The following SLC24A2 variants were observed in gnomAD, a reference collection of about 807,000 sequenced individuals.
SLC24A2 encodes sodium/potassium/calcium exchanger 2.
Under a neutral mutation model 62.0 loss-of-function variants are expected in SLC24A2, and 36 were observed. The observed-to-expected ratio is 0.58, with a 90% confidence interval of 0.44 to 0.77. The LOEUF (loss-of-function observed/expected upper bound fraction) is 0.77. Among genes scored for constraint, SLC24A2 ranks in the 30% least tolerant of loss-of-function variants. The pLI, the probability that SLC24A2 is intolerant of heterozygous loss-of-function variation, is 0.00. For missense variants in SLC24A2, 846 were observed against 817.9 expected, an observed-to-expected ratio of 1.03 and a Z score of -0.42; for synonymous variants, 358 against 294.0, an observed-to-expected ratio of 1.22 and a Z score of -2.23.
the SLC24A2 span, among the ~76,000 whole-genome samples, chr9:19,914,197 C>G: frequency 1.3e-5 from 2 of 152,034 alleles, no homozygotes; most frequent in African/African-American, 2.4e-5. Context: ...AGATTCTTGA[C>G]ACCTGCCACT....
chr9:20,282,673 G>C, the SLC24A2 span, among the ~76,000 whole-genome samples: 71,835 of 151,892 alleles, frequency 0.47, 18,770 homozygotes, highest in East Asian at 0.9. Flanking sequence ...GAAAAATATA[G>C]AAAAGTATAA....
At chr9:19,840,086 T>A in the SLC24A2 span, among the ~76,000 whole-genome samples, 1 of 152,096 alleles carries the variant, frequency 6.6e-6, no homozygotes, top group Non-Finnish European at 1.5e-5. Flanking sequence ...AATGGCAAAA[T>A]AGAACTCAAA....
At chr9:19,885,811 C>A in the SLC24A2 span, among the ~76,000 whole-genome samples, 1 of 152,140 alleles carries the variant, frequency 6.6e-6, no homozygotes, top group Non-Finnish European at 1.5e-5. Context: ...CACGTGTTCT[C>A]ATTGTTTCGG....
intron 2 of SLC24A2, among the ~76,000 whole-genome samples, chr9:19,763,943 G>A (rs1269595141): frequency 6.6e-6 from 1 of 152,000 alleles, no homozygotes; most frequent in East Asian, 1.9e-4. Context: ...ATCTGGTCCC[G>A]GGCTTTTTTT....
the SLC24A2 span, among the ~76,000 whole-genome samples, chr9:20,239,741 A>G: frequency 3.3e-4 from 51 of 152,364 alleles, no homozygotes; most frequent in African/African-American, 1.2e-3. Flanking sequence ...AGAGCTTTAC[A>G]TGGAATAATA....
At chr9:19,764,985 G>A (rs909003581) in intron 2 of SLC24A2, among the ~76,000 whole-genome samples, 11 of 152,096 alleles carry the variant, frequency 7.2e-5, no homozygotes, top group Non-Finnish European at 5.9e-5. Context: ...CTCCTGTGTT[G>A]GGTGCATATA....
At chr9:19,596,264 T>A (rs2132898099) in intron 5 of SLC24A2, among the ~76,000 whole-genome samples, 1 of 152,308 alleles carries the variant, frequency 6.6e-6, no homozygotes, top group South Asian at 2.1e-4. Flanking sequence ...TGCAACACAT[T>A]TGGGAGTTTC....
At chr9:20,273,403 C>A in the SLC24A2 span, among the ~76,000 whole-genome samples, 1 of 152,188 alleles carries the variant, frequency 6.6e-6, no homozygotes, top group Non-Finnish European at 1.5e-5. Flanking sequence ...ATATGATTTG[C>A]CTCCATGTCC....
At chr9:19,743,762 C>T (rs892848030) in intron 2 of SLC24A2, among the ~76,000 whole-genome samples, 3 of 152,110 alleles carry the variant, frequency 2.0e-5, no homozygotes, top group South Asian at 2.1e-4. Context: ...CACACTACTG[C>T]CTCTCCCAAT....
chr9:20,204,009 A>G, the SLC24A2 span, among the ~76,000 whole-genome samples: 1 of 152,234 alleles, frequency 6.6e-6, no homozygotes, highest in Non-Finnish European at 1.5e-5. Flanking sequence ...ATTATACTCA[A>G]TATATTAATA....
the SLC24A2 span, among the ~76,000 whole-genome samples, chr9:20,154,593 G>A: frequency 5.3e-5 from 8 of 151,530 alleles, no homozygotes; most frequent in South Asian, 4.2e-4. Context: ...GTAACATTAC[G>A]TAAGGTGTAG....
the SLC24A2 span, among the ~76,000 whole-genome samples, chr9:19,834,155 A>G: frequency 6.6e-6 from 1 of 152,198 alleles, no homozygotes; most frequent in African/African-American, 2.4e-5. Context: ...TGGAAACTCT[A>G]AAAATCAGAG....
At chr9:19,917,951 G>A in the SLC24A2 span, among the ~76,000 whole-genome samples, 1 of 152,064 alleles carries the variant, frequency 6.6e-6, no homozygotes, top group African/African-American at 2.4e-5. Context: ...TGTAGTGCTT[G>A]TTTTGCTATT....
intron 8 of SLC24A2, among the ~76,000 whole-genome samples, chr9:19,532,532 A>C (rs1019302054): frequency 7.2e-5 from 11 of 152,136 alleles, no homozygotes; most frequent in African/African-American, 2.7e-4. Flanking sequence ...AATATTTTCA[A>C]TCTGTGATTG....
chr9:19,789,921 C>T (rs1018130440), upstream of SLC24A2, among the ~76,000 whole-genome samples: 1 of 152,156 alleles, frequency 6.6e-6, no homozygotes, highest in African/African-American at 2.4e-5. Flanking sequence ...TCTTCATGCC[C>T]TCCTTACAAT....
At chr9:19,673,873 G>A (rs1266835299) in intron 2 of SLC24A2, among the ~76,000 whole-genome samples, 4 of 152,192 alleles carry the variant, frequency 2.6e-5, no homozygotes, top group Non-Finnish European at 4.4e-5. Context: ...CTCAATGCTA[G>A]TATTGAGATG....
At chr9:20,094,124 T>A in the SLC24A2 span, among the ~76,000 whole-genome samples, 1 of 152,144 alleles carries the variant, frequency 6.6e-6, no homozygotes, top group Non-Finnish European at 1.5e-5. Context: ...TTGACAAGAA[T>A]CAACACAGTG....
chr9:19,995,743 T>C, the SLC24A2 span, among the ~76,000 whole-genome samples: 2 of 152,220 alleles, frequency 1.3e-5, no homozygotes, highest in African/African-American at 4.8e-5. Flanking sequence ...ATCCAGTTGA[T>C]AAGTGAGGGA....
At chr9:19,914,732 TA>T in the SLC24A2 span, among the ~76,000 whole-genome samples, 2 of 152,014 alleles carry the variant, frequency 1.3e-5, no homozygotes, top group African/African-American at 4.8e-5. Flanking sequence ...TTGAACCATA[TA>T]ATGACTCAGA....
Sources: allele counts gnomAD v4.1 joint callset (sites outside exome capture counted in the v4.1 genomes callset), GRCh38; gene constraint gnomAD v4.1.1; transcripts MANE v1.5; gene names NCBI Gene and HGNC (gene_info 2026-07-23, HGNC 2026-07-21).